Variants in WHRN observed in about 807,000 individuals in gnomAD.
WHRN encodes the protein CASK-interacting protein CIP98.
In WHRN, 41 loss-of-function variants were observed where a neutral mutation model predicts 68.3. The ratio of observed to expected loss-of-function variants is 0.60; its 90% CI spans 0.47 to 0.78. The LOEUF (loss-of-function observed/expected upper bound fraction) is 0.78, where lower values mean the gene tolerates loss of function less well. WHRN is among the 30% of genes least tolerant of loss of function. The probability of loss-of-function intolerance (pLI) is 0.00; values close to 1 mark genes in which losing one functional copy is unlikely to be tolerated. For synonymous variants in WHRN, 560 were observed against 561.3 expected (o/e 1.00, Z 0.03); for missense variants, 1,243 against 1,244.7 (o/e 1.00, Z 0.02).
intron 3 of WHRN, among the ~76,000 whole-genome samples, chr9:114,432,430 A>C (rs986136266): frequency 6.6e-6 from 1 of 152,224 alleles, no homozygotes; most frequent in Non-Finnish European, 1.5e-5. Context: ...AAATAATTTC[A>C]TTGTTCTAAG....
At chr9:114,461,185 G>T (rs182210145) in intron 3 of WHRN, among the ~76,000 whole-genome samples, 1 of 152,128 alleles carries the variant, frequency 6.6e-6, no homozygotes, top group Non-Finnish European at 1.5e-5. Context: ...CCTTGTTTCC[G>T]AACGGAAATC....
At chr9:114,403,482 T>A (rs1564113008) in intron 10 of WHRN, 143 bp from the exon 11 acceptor site, 1 of 1,100,112 alleles carries the variant, frequency 9.1e-7, no homozygotes, top group Non-Finnish European at 1.4e-6. Context: ...TGCAACGCAC[T>A]AAGCCAAGCA....
chr9:114,445,132 C>A (rs960133091), intron 3 of WHRN, among the ~76,000 whole-genome samples: 2 of 151,130 alleles, frequency 1.3e-5, no homozygotes, highest in African/African-American at 4.9e-5. Flanking sequence ...ACCTCCACTT[C>A]TTGGGTTCAA....
chr9:114,457,862 G>A (rs1234208475), intron 3 of WHRN, among the ~76,000 whole-genome samples: 4 of 149,884 alleles, frequency 2.7e-5, no homozygotes, highest in Non-Finnish European at 5.9e-5. Context: ...GTTGCAGTGA[G>A]CCAAGATGGT....
chr9:114,471,945 A>G lies in WHRN; in HGVS notation c.838-5553T>C, dbSNP rs1841257480. Among the ~76,000 whole-genome samples the G allele has an allele frequency of 2.0e-5, 3 of 152,214 alleles. No individual in the cohort carries two copies. The South Asian group carries it at 6.2e-4, about 32-fold the overall frequency. ...GCTGCCATCTTGCAGCTGTGAAGCAATGAGCCCAAGGCAAGAGCCAACAAC... is the reference window on the plus strand; with the variant it reads ...GCTGCCATCTTGCAGCTGTGAAGCAGTGAGCCCAAGGCAAGAGCCAACAAC... On this transcript the variant is annotated intron_variant, in intron 2 of 11. Coordinates refer to ENST00000362057, the MANE Select transcript of WHRN (RefSeq NM_015404.4).
At position 114,477,633 on chromosome 9, in the gene WHRN, C is replaced by T. The variant is rs150038306; in HGVS notation, c.837+920G>A. Among the ~76,000 whole-genome samples, 967 of 152,304 alleles carry T rather than the reference C, an allele frequency of 6.3e-3. 5 individuals carry two copies. The highest frequency in any genetic ancestry group is 0.022 in the African/African-American group (916 of 41,568). On this transcript the variant is annotated intron_variant, in intron 2 of 11. Coordinates refer to ENST00000362057, the MANE Select transcript of WHRN (RefSeq NM_015404.4). ...GACATCCCTGCCAGCCCGTGAGGTG[C>T]TCCCTCTTTGGGAATCTTCAGGGGA...
At chr9:114,497,294 C>T (rs1186734446) in intron 1 of WHRN, among the ~76,000 whole-genome samples, 1 of 152,136 alleles carries the variant, frequency 6.6e-6, no homozygotes, top group African/African-American at 2.4e-5. Context: ...AAACTGGCTG[C>T]TAACTGAAGC....
At chr9:114,425,471 G>A (rs1036737372) in intron 4 of WHRN, 1 of 411,448 alleles carries the variant, frequency 2.4e-6, no homozygotes, top group Non-Finnish European at 4.3e-6. Flanking sequence ...TGATTTTTAA[G>A]AAGCATCCAG....
chr9:114,487,532 C>T (rs1924684), intron 1 of WHRN, among the ~76,000 whole-genome samples: 1 of 152,188 alleles, frequency 6.6e-6, no homozygotes, highest in African/African-American at 2.4e-5. Flanking sequence ...CTACCGAATT[C>T]TCATTCTCCT....
At chr9:114,423,759 T>C (rs909061771) in intron 6 of WHRN, among the ~76,000 whole-genome samples, 1 of 152,176 alleles carries the variant, frequency 6.6e-6, no homozygotes, top group Non-Finnish European at 1.5e-5. Context: ...TAGCTGTGAC[T>C]CCCTGGACAC....
chr9:114,407,041 C>T, intron 8 of WHRN, 149 bp from the exon 9 acceptor site: 2 of 947,188 alleles, frequency 2.1e-6, no homozygotes, highest in Non-Finnish European at 3.3e-6. Flanking sequence ...TAATGCAACA[C>T]CTGAGTGGAA....
chr9:114,450,825 T>TCC (rs1839256917), intron 3 of WHRN, among the ~76,000 whole-genome samples: 4 of 122,898 alleles, frequency 3.3e-5, no homozygotes, highest in Non-Finnish European at 4.7e-5. Context: ...TATTATTAGT[T>TCC]TCCCCCCCCG....
In WHRN at chr9:114,495,523, G is replaced by A. The variant is rs116356142; in HGVS notation, c.618+8661C>T. The stretch of plus-strand genomic sequence containing the variant: ...GGGGAAATATCCACAATTTAAGAGC[G>A]AGAGAAAGCACAACGAGAAGGCAAT... On this transcript the variant is annotated intron_variant, in intron 1 of 11. Transcript: ENST00000362057. Among the ~76,000 whole-genome samples, 256 of 152,310 alleles carry A rather than the reference G, an allele frequency of 1.7e-3. 1 individual carries two copies. Among genetic ancestry groups the A allele is most frequent in the African/African-American group, 5.9e-3 (247 of 41,568 alleles).
intron 3 of WHRN, among the ~76,000 whole-genome samples, chr9:114,445,669 G>A (rs1032177944): frequency 2.0e-5 from 3 of 152,082 alleles, no homozygotes; most frequent in Non-Finnish European, 4.4e-5. Context: ...CTAGGCCCTC[G>A]GTAGATATGC....
At chr9:114,462,239 T>C (rs942268273) in intron 3 of WHRN, among the ~76,000 whole-genome samples, 4 of 152,104 alleles carry the variant, frequency 2.6e-5, no homozygotes, top group Non-Finnish European at 5.9e-5. Flanking sequence ...CAGAGCAGGG[T>C]GTTCTGGAAT....
chr9:114,487,824 A>C (rs1025959413), intron 1 of WHRN, among the ~76,000 whole-genome samples: 1 of 152,142 alleles, frequency 6.6e-6, no homozygotes, highest in Non-Finnish European at 1.5e-5. Flanking sequence ...TTCCCCTGAC[A>C]ATGTGGACAG....
rs140223250 is a variant in WHRN, at chr9:114,458,582, C to A, written c.963+7685G>T. Among the ~76,000 whole-genome samples, 93 of 152,218 alleles carry A rather than the reference C, an allele frequency of 6.1e-4. 1 individual carries two copies. The highest frequency in any genetic ancestry group is 2.1e-3 in the African/African-American group (88 of 41,532). On this transcript the variant is annotated intron_variant, in intron 3 of 11. Coordinates refer to ENST00000362057, the MANE Select transcript of WHRN (RefSeq NM_015404.4). Reference sequence around the variant, plus strand: ...GGGCTTGGAGAGAGCTGTTTGATGGCGGCAGAGGGGGTGGCCCTGTCCCTC... The same window carrying A: ...GGGCTTGGAGAGAGCTGTTTGATGGAGGCAGAGGGGGTGGCCCTGTCCCTC...
Position 114,403,235 on chromosome 9 carries a change from A to G in WHRN, c.2523T>C (p.Pro841=). The change falls in exon 11 of 12, where the codon CCT becomes CCC. Residue 841 remains proline (P), a synonymous_variant. Coordinates refer to ENST00000362057, the MANE Select transcript of WHRN (RefSeq NM_015404.4). The part of the protein sequence containing the change: ...EGGANTRQPL[P]RIVTIQRGGS... ...GACATACCTGAATAGTGACAATCCT[A>G]GGCAGGGGCTGGCGGGTGTTGGCGC... 1 of 1,614,118 alleles carries G rather than the reference A, an allele frequency of 6.2e-7. No individual in the cohort carries two copies. Among genetic ancestry groups the G allele is most frequent in the Non-Finnish European group, 8.5e-7 (1 of 1,179,994 alleles).
intron 1 of WHRN, chr9:114,503,813 C>T (rs1178209350): frequency 1.2e-5 from 3 of 249,920 alleles, no homozygotes; most frequent in Non-Finnish European, 2.3e-5. Flanking sequence ...AACAAAAAAC[C>T]ACAGAATGGC....
Sources: allele counts gnomAD v4.1 joint callset (sites outside exome capture counted in the v4.1 genomes callset), GRCh38; gene constraint gnomAD v4.1.1; transcripts MANE v1.5; gene names NCBI Gene and HGNC (gene_info 2026-07-23, HGNC 2026-07-21).